The following RSF1 variants were observed in gnomAD, a reference collection of about 807,000 sequenced individuals.
RSF1 encodes HBV pX-associated protein 8.
RSF1 carries 13 observed loss-of-function variants against 145.2 expected under a neutral mutation model. The ratio of observed to expected loss-of-function variants is 0.09; its 90% CI spans 0.06 to 0.14. The LOEUF (loss-of-function observed/expected upper bound fraction) is 0.14, where lower values mean the gene tolerates loss of function less well. Among genes scored for constraint, RSF1 ranks in the 10% least tolerant of loss-of-function variants. RSF1 has a pLI of 1.00. For missense variants in RSF1, 1,517 were observed against 1,718.2 expected (o/e 0.88, Z 2.07); for synonymous variants, 577 against 592.6 (o/e 0.97, Z 0.38).
chr11:77,848,696 T>C, the RSF1 span, among the ~76,000 whole-genome samples: 1 of 152,288 alleles, frequency 6.6e-6, no homozygotes, highest in African/African-American at 2.4e-5. Context: ...CACAGAGAAG[T>C]TATATAACTT....
chr11:77,812,172 C>T (rs1165386535), intron 1 of RSF1, among the ~76,000 whole-genome samples: 1 of 152,090 alleles, frequency 6.6e-6, no homozygotes, highest in Non-Finnish European at 1.5e-5. Flanking sequence ...GAGTGAGACC[C>T]TGTCTATAAA....
At position 77,676,141 on chromosome 11, in the gene RSF1, T is replaced by C. The variant is rs551064646; in HGVS notation, c.3341+651A>G. On this transcript the variant is annotated intron_variant, in intron 13 of 15. Transcript: ENST00000308488. The stretch of plus-strand genomic sequence containing the variant: ...TATCCTGCTTTTAGTCTCATACTTG[T>C]TGATTCCAAATACTCATTCTTCAAA... Among the ~76,000 whole-genome samples the C allele has an allele frequency of 4.6e-5, 7 of 152,334 alleles. No individual in the cohort carries two copies. The South Asian group carries it at 1.0e-3, about 23-fold the overall frequency.
intron 1 of RSF1, among the ~76,000 whole-genome samples, chr11:77,793,890 T>C (rs1307759313): frequency 6.6e-6 from 1 of 151,996 alleles, no homozygotes; most frequent in Non-Finnish European, 1.5e-5. Context: ...GGGGTAGCTA[T>C]ACATAAAAAC....
the RSF1 span, among the ~76,000 whole-genome samples, chr11:77,833,007 ATATTTT>A: frequency 7.7e-5 from 4 of 51,940 alleles, 1 homozygote; most frequent in African/African-American, 3.9e-4. Flanking sequence ...GTATATATAT[ATATTTT>A]TTTTTTTTTT....
At chr11:77,718,690 A>G (rs573980058) in intron 5 of RSF1, among the ~76,000 whole-genome samples, 33 of 152,298 alleles carry the variant, frequency 2.2e-4, no homozygotes, top group African/African-American at 7.9e-4. Context: ...CTTTTTCTCC[A>G]CACACACAGA....
At chr11:77,752,851 T>C (rs1948078120) in intron 2 of RSF1, among the ~76,000 whole-genome samples, 1 of 152,116 alleles carries the variant, frequency 6.6e-6, no homozygotes, top group Non-Finnish European at 1.5e-5. Context: ...CATAAAGACC[T>C]TGCTGATAAA....
Position 77,725,592 on chromosome 11 carries a change from C to G in RSF1, c.686G>C (p.Ser229Thr). The stretch of plus-strand genomic sequence containing the variant: ...TTTTTTAGTCTCCTCATCCTCTAAG[C>G]TGGGACTTTCCCGAGAAGAGTTGTC... ...QQDNSSRESP[S>T]LEDEETKKEE... The change falls in exon 5 of 16, where the codon AGC becomes ACC. Residue 229 changes from serine (S) to threonine (T), a missense_variant. This residue lies in a region of RSF1 where 207 missense variants were observed against 191.4 expected (regional missense o/e 1.08). Transcript: ENST00000308488. 6.2e-7 allele frequency: 1 copy of G among 1,607,842 alleles called. No individual in the cohort carries two copies. Among genetic ancestry groups the G allele is most frequent in the Non-Finnish European group, 8.5e-7 (1 of 1,176,512 alleles).
the RSF1 span, chr11:77,842,713 C>T: frequency 3.9e-6 from 6 of 1,541,794 alleles, no homozygotes; most frequent in Admixed American, 4.2e-5. Flanking sequence ...AAGTGAAAAA[C>T]TATTTCTCTT....
At chr11:77,753,736 G>A (rs929933548) in intron 2 of RSF1, among the ~76,000 whole-genome samples, 1 of 152,184 alleles carries the variant, frequency 6.6e-6, no homozygotes, top group Non-Finnish European at 1.5e-5. Flanking sequence ...TATTCAGAAG[G>A]TAACAAGACA....
intron 4 of RSF1, among the ~76,000 whole-genome samples, chr11:77,727,491 T>TC (rs1961086166): frequency 6.7e-6 from 1 of 150,346 alleles, no homozygotes; most frequent in Non-Finnish European, 1.5e-5. Context: ...TTTTTTTTTT[T>TC]TTGAGATGGA....
At chr11:77,709,776 C>T (rs1177456885) in intron 5 of RSF1, among the ~76,000 whole-genome samples, 1 of 151,758 alleles carries the variant, frequency 6.6e-6, no homozygotes. Context: ...TATGATCATA[C>T]CTCACTATAA....
Position 77,702,442 on chromosome 11 carries a change from C to G in RSF1, c.787G>C (p.Glu263Gln). 1.3e-6 allele frequency: 2 copies of G among 1,579,064 alleles called. No homozygotes were observed. The highest frequency in any genetic ancestry group is 1.7e-6 in the Non-Finnish European group (2 of 1,171,464). ...AGAACATTGGCTGTAGAACGGTTTT[C>G]TAAATCCATAGGCTGCTCCTCACTT... ...MKSEEQPMDL[E>Q]NRSTANVLEE... The change falls in exon 6 of 16, where the codon GAA becomes CAA. Residue 263 changes from glutamate to glutamine, a missense_variant. This residue lies in a region of RSF1 where 207 missense variants were observed against 191.4 expected (regional missense o/e 1.08). Coordinates refer to ENST00000308488, the MANE Select transcript of RSF1 (RefSeq NM_016578.4).
At chr11:77,675,995 T>C (rs1959691152) in intron 13 of RSF1, among the ~76,000 whole-genome samples, 1 of 152,232 alleles carries the variant, frequency 6.6e-6, no homozygotes, top group Non-Finnish European at 1.5e-5. Context: ...AGTAGGGCAC[T>C]CTCTACTTCA....
chr11:77,788,892 C>G (rs1948488452), intron 1 of RSF1, among the ~76,000 whole-genome samples: 1 of 151,988 alleles, frequency 6.6e-6, no homozygotes, highest in Non-Finnish European at 1.5e-5. Flanking sequence ...AGATAGATGC[C>G]AGGAAAAGAG....
At chr11:77,735,108 G>C in intron 4 of RSF1, 1 of 817,048 alleles carries the variant, frequency 1.2e-6, no homozygotes, top group African/African-American at 1.7e-5. Context: ...GGCGGTCTGA[G>C]GGTGCCGTGA....
chr11:77,858,651 G>C, the RSF1 span, among the ~76,000 whole-genome samples: 1 of 152,112 alleles, frequency 6.6e-6, no homozygotes, highest in Non-Finnish European at 1.5e-5. Context: ...GAAAACCCAA[G>C]TGCTGTTGGG....
intron 1 of RSF1, among the ~76,000 whole-genome samples, chr11:77,818,672 G>C (rs1948805475): frequency 6.6e-6 from 1 of 152,090 alleles, no homozygotes; most frequent in Non-Finnish European, 1.5e-5. Context: ...CCAGCTACTC[G>C]GGAGGCTGGG....
intron 1 of RSF1, among the ~76,000 whole-genome samples, chr11:77,767,682 C>A (rs1948239666): frequency 6.6e-6 from 1 of 152,096 alleles, no homozygotes; most frequent in Non-Finnish European, 1.5e-5. Flanking sequence ...ATACAAGTCC[C>A]GAAAGTCTCC....
chr11:77,837,061 A>G, the RSF1 span, among the ~76,000 whole-genome samples: 2 of 152,186 alleles, frequency 1.3e-5, no homozygotes, highest in Non-Finnish European at 2.9e-5. Flanking sequence ...ATGAATTTGT[A>G]TCTTCCTTCC....
Sources: gnomAD v4.1 joint callset for allele counts (sites outside exome capture counted in the v4.1 genomes callset) on GRCh38, gnomAD v4.1.1 for gene constraint, gnomAD v4.1.1 regional missense constraint, MANE v1.5 for transcripts, NCBI Gene and HGNC (gene_info 2026-07-23, HGNC 2026-07-21) for gene names.